The following UGT2B7 variants were observed in gnomAD, a reference collection of about 807,000 sequenced individuals.
The protein encoded by UGT2B7 is UDP-glucuronosyltransferase 2B7.
Under a neutral mutation model 51.9 loss-of-function variants are expected in UGT2B7, and 51 were observed. That is an observed-to-expected ratio of 0.98 (90% confidence interval 0.78 to 1.24). The LOEUF (loss-of-function observed/expected upper bound fraction) is 1.24, where lower values mean the gene tolerates loss of function less well. Among genes scored for constraint, UGT2B7 ranks in the 50% most tolerant of loss-of-function variants. The pLI, the probability that UGT2B7 is intolerant of heterozygous loss-of-function variation, is 0.00. For missense variants in UGT2B7, 727 were observed against 628.4 expected (o/e 1.16, Z -1.68); for synonymous variants, 225 against 211.6 (o/e 1.06, Z -0.55).
At position 69,090,270 on chromosome 4, in the gene UGT2B7, C is replaced by T. The variant is rs186758729; in HGVS notation, c.-27+667C>T. On this transcript the variant is annotated intron_variant, in intron 2 of 5. Coordinates refer to the UGT2B7 transcript ENST00000502942. ...ATGTTTAATTAAAGTTCATAAAACT[C>T]AATAAAAGCATGTATGCTAATTAGG... Among the ~76,000 whole-genome samples, 5 of 152,164 alleles carry T rather than the reference C, an allele frequency of 3.3e-5. No individual in the cohort carries two copies. In the East Asian group the frequency reaches 7.7e-4, roughly 24 times the overall value.
At chr4:69,058,609 A>C (rs1039177599) in intron 1 of UGT2B7, among the ~76,000 whole-genome samples, 7 of 152,226 alleles carry the variant, frequency 4.6e-5, no homozygotes, top group African/African-American at 1.7e-4. Flanking sequence ...TTTATAAAAG[A>C]CTTAGTGAGG....
At chr4:69,096,379 G>A (rs563001412), upstream of UGT2B7, 30 of 1,329,244 alleles carry the variant, frequency 2.3e-5, no homozygotes, top group African/African-American at 3.8e-4. Flanking sequence ...CACATGCTCA[G>A]ACTGTTGATT....
intron 1 of UGT2B7, among the ~76,000 whole-genome samples, chr4:69,081,969 C>T (rs1245781713): frequency 2.6e-5 from 4 of 151,970 alleles, no homozygotes. Context: ...TGGCAAGTAA[C>T]AAATTTATAT....
chr4:69,069,461 T>G (rs1398876129), intron 1 of UGT2B7, among the ~76,000 whole-genome samples: 1 of 152,114 alleles, frequency 6.6e-6, no homozygotes, highest in Non-Finnish European at 1.5e-5. Context: ...TCTTGAAATC[T>G]TATGCATGAA....
intron 1 of UGT2B7, among the ~76,000 whole-genome samples, chr4:69,087,074 CTCTG>C (rs1718978322): frequency 6.6e-6 from 1 of 151,252 alleles, no homozygotes; most frequent in Non-Finnish European, 1.5e-5. Context: ...CTCTCTCTCT[CTCTG>C]TCTCTCTCTC....
chr4:69,074,553 G>C (rs1388668568), intron 1 of UGT2B7, among the ~76,000 whole-genome samples: 2 of 151,398 alleles, frequency 1.3e-5, no homozygotes, highest in African/African-American at 4.9e-5. Context: ...GTTTTCTTGA[G>C]GAAATCTTCA....
Position 69,096,947 on chromosome 4 carries a change from T to TA in UGT2B7, c.427_428insA (p.Ser143TyrfsTer4). On this transcript the variant is annotated frameshift_variant, in exon 1 of 6. Coordinates refer to ENST00000305231, the MANE Select transcript of UGT2B7 (RefSeq NM_001074.4). LOFTEE classifies it high-confidence loss of function. ...GAAATTTATGAAAAAAGTACAAGAG[T>TA]CAAGATTTGACGTCATTTTTGCAGA... 1 of 1,612,856 alleles carries TA rather than the reference T, an allele frequency of 6.2e-7. No homozygotes were observed. The highest frequency in any genetic ancestry group is 8.5e-7 in the Non-Finnish European group (1 of 1,179,668).
In UGT2B7 at chr4:69,102,793, T is replaced by G. The variant is rs1413833332; in HGVS notation, c.871-14T>G. Reference sequence around the variant, plus strand: ...TAATACTCTTTTGTGATGAAGCAAATTCTTTCTTCACAGGAAATGGAAGAC... The same window carrying G: ...TAATACTCTTTTGTGATGAAGCAAAGTCTTTCTTCACAGGAAATGGAAGAC... On this transcript the variant is annotated splice_polypyrimidine_tract_variant and intron_variant, in intron 2 of 5. Transcript: ENST00000305231. 3 of 1,610,746 alleles carry G rather than the reference T, an allele frequency of 1.9e-6. No homozygotes were observed. The highest frequency in any genetic ancestry group is 3.4e-5 in the Admixed American group (2 of 59,326).
At chr4:69,076,265 A>G (rs1577912838) in intron 1 of UGT2B7, among the ~76,000 whole-genome samples, 1 of 152,204 alleles carries the variant, frequency 6.6e-6, no homozygotes, top group East Asian at 1.9e-4. Flanking sequence ...TTTATAATAG[A>G]ATGATGTATT....
At chr4:69,066,625 A>C (rs1278109855) in intron 1 of UGT2B7, 1 of 152,118 alleles carries the variant, frequency 6.6e-6, no homozygotes, top group Non-Finnish European at 1.5e-5. Context: ...ACTTCTTTAC[A>C]TTTATCTTCC....
intron 5 of UGT2B7, among the ~76,000 whole-genome samples, chr4:69,111,102 CG>C (rs1343137172): frequency 1.3e-5 from 2 of 151,628 alleles, no homozygotes; most frequent in Non-Finnish European, 2.9e-5. Context: ...ACTCCAAGAG[CG>C]GGAGAGAGGG....
chr4:69,091,457 T>G (rs1577918527), intron 2 of UGT2B7, among the ~76,000 whole-genome samples: 1 of 152,202 alleles, frequency 6.6e-6, no homozygotes. Context: ...TGTATTTTTA[T>G]TTTTTAAAGG....
At chr4:69,090,153 G>T (rs181504061) in intron 2 of UGT2B7, among the ~76,000 whole-genome samples, 1 of 152,264 alleles carries the variant, frequency 6.6e-6, no homozygotes, top group Admixed American at 6.5e-5. Context: ...CTAGTAGTCA[G>T]TTAATTTTAA....
chr4:69,054,823 T>C (rs1577903820), intron 1 of UGT2B7, among the ~76,000 whole-genome samples: 1 of 152,160 alleles, frequency 6.6e-6, no homozygotes, highest in East Asian at 1.9e-4. Context: ...TTTGGACTTG[T>C]ACATTAAGGA....
intron 2 of UGT2B7, among the ~76,000 whole-genome samples, chr4:69,099,488 AT>A (rs1577922815): frequency 6.6e-6 from 1 of 152,028 alleles, no homozygotes; most frequent in Admixed American, 6.6e-5. Flanking sequence ...CTTTCAAGAT[AT>A]TCAATGGATT....
At chr4:69,052,569 CAAAAAAAAAAAAA>C (rs1204317464) in intron 1 of UGT2B7, among the ~76,000 whole-genome samples, 17 of 64,690 alleles carry the variant, frequency 2.6e-4, no homozygotes, top group South Asian at 1.3e-3. Context: ...TGGTTATCTT[CAAAAAAAAAAAAA>C]AAAAAAAAAA....
intron 1 of UGT2B7, among the ~76,000 whole-genome samples, chr4:69,052,025 C>G (rs1414902097): frequency 7.2e-5 from 11 of 151,858 alleles, no homozygotes; most frequent in African/African-American, 2.4e-4. Context: ...GTAAGCCCAC[C>G]CCACTGAGAA....
chr4:69,066,454 A>G (rs1250589619), intron 1 of UGT2B7: 1 of 152,108 alleles, frequency 6.6e-6, no homozygotes, highest in Non-Finnish European at 1.5e-5. Context: ...TCACCTATAT[A>G]GTGGGTAGTC....
At chr4:69,064,112 A>AGAGAGAGAGAGAAAGAAAGAAAG (rs1718433031) in intron 1 of UGT2B7, among the ~76,000 whole-genome samples, 7 of 86,840 alleles carry the variant, frequency 8.1e-5, no homozygotes, top group Admixed American at 1.1e-4. Context: ...GAAAGAAAGA[A>AGAGAGAGAGAGAAAGAAAGAAAG]AAAGAAAGAA....
Sources: allele counts gnomAD v4.1 joint callset (sites outside exome capture counted in the v4.1 genomes callset), GRCh38; gene constraint gnomAD v4.1.1; transcripts MANE v1.5; gene names NCBI Gene and HGNC (gene_info 2026-07-23, HGNC 2026-07-21).